GPC3: variants seen among roughly 807,000 people sequenced by gnomAD.
The protein encoded by GPC3 is glypican-3.
In GPC3, 3 loss-of-function variants were observed where a neutral mutation model predicts 34.4. That is an observed-to-expected ratio of 0.09 (90% CI 0.04 to 0.23). The LOEUF is 0.23. GPC3 is among the 10% of genes least tolerant of loss of function. The pLI, the probability that GPC3 is intolerant of heterozygous loss-of-function variation, is 1.00. For synonymous variants in GPC3, 177 were observed against 174.0 expected, an observed-to-expected ratio of 1.02 and a Z score of -0.13; for missense variants, 351 against 445.6, an observed-to-expected ratio of 0.79 and a Z score of 1.91.
At chrX:133,896,283 C>T (rs771531593) in intron 2 of GPC3, among the ~76,000 whole-genome samples, 1 of 110,106 alleles carries the variant, frequency 9.1e-6, no homozygotes, top group Non-Finnish European at 1.9e-5. Flanking sequence ...ATTGCTTGAA[C>T]CTGGGAGGTG....
rs1388434344 is a variant in GPC3, at chrX:133,979,198, A to G, written c.175+6077T>C. On this transcript the variant is annotated intron_variant, in intron 1 of 7. Transcript: ENST00000370818. ...ATTTATCAACATAAGCCTATTAAGTACGCTTCAAAGAGCTTAGTAGATTTA... is the reference window on the plus strand; with the variant it reads ...ATTTATCAACATAAGCCTATTAAGTGCGCTTCAAAGAGCTTAGTAGATTTA... Among the ~76,000 whole-genome samples the G allele has an allele frequency of 3.3e-4, 37 of 111,933 alleles. No individual in the cohort carries two copies. The Admixed American group carries it at 3.5e-3, about 11-fold the overall frequency.
chrX:133,892,321 C>T (rs1346191633), intron 2 of GPC3, among the ~76,000 whole-genome samples: 1 of 111,805 alleles, frequency 8.9e-6, no homozygotes, highest in Admixed American at 9.5e-5. Context: ...GTGACCTCTT[C>T]GTTTCAAATG....
chrX:133,589,852 A>T (rs1172282263), intron 7 of GPC3, among the ~76,000 whole-genome samples: 1 of 111,650 alleles, frequency 9.0e-6, no homozygotes, highest in Non-Finnish European at 1.9e-5. Flanking sequence ...CTGTATCTCC[A>T]CTTTTTAGAA....
At chrX:133,781,133 G>A (rs999153677) in intron 2 of GPC3, among the ~76,000 whole-genome samples, 3 of 110,845 alleles carry the variant, frequency 2.7e-5, no homozygotes, top group South Asian at 3.8e-4. Context: ...TCTCTGAATC[G>A]ATCCTCTGTA....
At chrX:133,553,577 G>T (rs947057422) in intron 7 of GPC3, among the ~76,000 whole-genome samples, 6 of 111,725 alleles carry the variant, frequency 5.4e-5, no homozygotes, top group South Asian at 3.8e-4. Flanking sequence ...TATTGATATT[G>T]CAATATAGGA....
chrX:133,540,753 T>C (rs2069332938), intron 7 of GPC3, among the ~76,000 whole-genome samples: 1 of 111,138 alleles, frequency 9.0e-6, no homozygotes, highest in African/African-American at 3.3e-5. Context: ...ATCTACACCA[T>C]GAAGGATGGA....
chrX:133,736,344 G>A (rs947037378), intron 3 of GPC3, among the ~76,000 whole-genome samples: 5 of 111,813 alleles, frequency 4.5e-5, no homozygotes, highest in African/African-American at 1.6e-4. Flanking sequence ...TAAATATAGA[G>A]TTACCATATG....
chrX:133,548,158 A>G (rs1460375821), intron 7 of GPC3, among the ~76,000 whole-genome samples: 1 of 112,248 alleles, frequency 8.9e-6, no homozygotes, highest in Non-Finnish European at 1.9e-5. Context: ...TATACATTTC[A>G]GGCATGATGC....
intron 6 of GPC3, among the ~76,000 whole-genome samples, chrX:133,628,457 A>G (rs1338952538): frequency 9.0e-6 from 1 of 110,692 alleles, no homozygotes; most frequent in African/African-American, 3.3e-5. Flanking sequence ...GGGGTTCAAG[A>G]CCAGCCTGGC....
intron 1 of GPC3, among the ~76,000 whole-genome samples, chrX:133,964,234 C>G (rs1271922806): frequency 8.9e-6 from 1 of 111,905 alleles, no homozygotes; most frequent in African/African-American, 3.2e-5. Flanking sequence ...GTACCTAAAA[C>G]TCAGTATGCC....
chrX:133,922,822 TG>T (rs1037309370), intron 2 of GPC3, among the ~76,000 whole-genome samples: 2 of 111,204 alleles, frequency 1.8e-5, no homozygotes, highest in Non-Finnish European at 3.8e-5. Flanking sequence ...TTCTGTCTGC[TG>T]GTAAGGATGA....
chrX:133,939,498 C>A (rs2076335909), intron 2 of GPC3, among the ~76,000 whole-genome samples: 1 of 111,698 alleles, frequency 9.0e-6, no homozygotes, highest in Admixed American at 9.5e-5. Flanking sequence ...TCCTCTAACA[C>A]TACAGTGGCT....
At chrX:133,597,596 C>A (rs191961772) in intron 6 of GPC3, among the ~76,000 whole-genome samples, 1 of 111,387 alleles carries the variant, frequency 9.0e-6, no homozygotes, top group Non-Finnish European at 1.9e-5. Context: ...GGGGTTTCTG[C>A]GGTTTCCATC....
At chrX:133,956,588 A>C (rs2124636851) in intron 1 of GPC3, among the ~76,000 whole-genome samples, 1 of 112,506 alleles carries the variant, frequency 8.9e-6, no homozygotes, top group East Asian at 2.8e-4. Context: ...CTGATGCCTA[A>C]GTAGTACATG....
At chrX:133,620,027 T>C (rs1187336785) in intron 6 of GPC3, among the ~76,000 whole-genome samples, 1 of 109,173 alleles carries the variant, frequency 9.2e-6, no homozygotes, top group African/African-American at 3.3e-5. Context: ...AAGACCATCC[T>C]GGCTAACACG....
At chrX:133,731,625 C>T (rs1979934527) in intron 3 of GPC3, among the ~76,000 whole-genome samples, 1 of 110,069 alleles carries the variant, frequency 9.1e-6, no homozygotes, top group Non-Finnish European at 1.9e-5. Context: ...ACAAAAGTAC[C>T]CACTTAGTAT....
chrX:133,593,923 C>T (rs1207092403), intron 7 of GPC3, among the ~76,000 whole-genome samples: 1 of 110,235 alleles, frequency 9.1e-6, no homozygotes, highest in Non-Finnish European at 1.9e-5. Context: ...GGATAAACCC[C>T]GTCTCTACCA....
At chrX:133,801,420 T>C (rs1207411055) in intron 2 of GPC3, among the ~76,000 whole-genome samples, 1 of 112,228 alleles carries the variant, frequency 8.9e-6, no homozygotes, top group Non-Finnish European at 1.9e-5. Context: ...CATTAGGATA[T>C]GCTTGCTAAC....
At chrX:133,704,656 G>A (rs2085326315) in intron 3 of GPC3, among the ~76,000 whole-genome samples, 1 of 110,072 alleles carries the variant, frequency 9.1e-6, no homozygotes, top group East Asian at 2.8e-4. Flanking sequence ...TCTTGGTATA[G>A]GGTGGGCACC....
Sources: gnomAD v4.1 joint callset for allele counts (sites outside exome capture counted in the v4.1 genomes callset) on GRCh38, gnomAD v4.1.1 for gene constraint, MANE v1.5 for transcripts, NCBI Gene and HGNC (gene_info 2026-07-23, HGNC 2026-07-21) for gene names.